Variants in PCCA observed in about 807,000 individuals in gnomAD.
PCCA encodes the protein propionyl-CoA carboxylase subunit alpha.
PCCA carries 74 observed loss-of-function variants against 101.3 expected under a neutral mutation model. The ratio of observed to expected loss-of-function variants is 0.73; its 90% CI spans 0.61 to 0.89. The LOEUF is 0.89. Ranked by LOEUF, PCCA falls within the 40% of genes least tolerant of loss-of-function variation. PCCA has a pLI of 0.00. For missense variants in PCCA, 891 were observed against 907.0 expected (o/e 0.98, Z 0.23); for synonymous variants, 294 against 313.6 (o/e 0.94, Z 0.66).
intron 18 of PCCA, among the ~76,000 whole-genome samples, chr13:100,348,760 CTTTCTTTCTTTCTTTCTTTCTTTCTTT>C (rs1566976001): frequency 2.6e-5 from 2 of 78,238 alleles, no homozygotes; most frequent in African/African-American, 5.2e-5. Flanking sequence ...TTCTTTCTTT[CTTTCTTTCTTTCTTTCTTTCTTTCTTT>C]CTTCCTTCCT....
intron 20 of PCCA, among the ~76,000 whole-genome samples, chr13:100,427,521 C>T (rs555177523): frequency 2.0e-5 from 3 of 151,976 alleles, no homozygotes; most frequent in East Asian, 3.9e-4. Flanking sequence ...AAATATTTTC[C>T]CTAGTGTAGG....
At chr13:100,428,819 G>A (rs895980598) in intron 20 of PCCA, among the ~76,000 whole-genome samples, 4 of 152,232 alleles carry the variant, frequency 2.6e-5, no homozygotes, top group Non-Finnish European at 5.9e-5. Context: ...GAGCTGAGGA[G>A]TGGTGTGCCC....
chr13:100,409,153 A>G (rs1447613210), intron 19 of PCCA, among the ~76,000 whole-genome samples: 1 of 152,106 alleles, frequency 6.6e-6, no homozygotes, highest in African/African-American at 2.4e-5. Flanking sequence ...GAAAAGGGCT[A>G]TGGAAAGGTC....
chr13:100,272,626 G>A (rs1405714406), intron 11 of PCCA, among the ~76,000 whole-genome samples: 5 of 152,106 alleles, frequency 3.3e-5, no homozygotes, highest in Non-Finnish European at 5.9e-5. Flanking sequence ...AAGGATGCTT[G>A]TTATAGTATG....
intron 12 of PCCA, among the ~76,000 whole-genome samples, chr13:100,294,810 C>T (rs1238628995): frequency 1.3e-5 from 2 of 152,178 alleles, no homozygotes; most frequent in East Asian, 3.8e-4. Context: ...CTGACAATGT[C>T]ATGTCTCTGA....
chr13:100,112,733 T>G (rs1000241648), intron 4 of PCCA, among the ~76,000 whole-genome samples: 5 of 152,020 alleles, frequency 3.3e-5, no homozygotes, highest in Admixed American at 3.3e-4. Context: ...CCTGCCATCA[T>G]GCCTGGCTGA....
chr13:100,424,494 T>C (rs1471403288), intron 19 of PCCA, among the ~76,000 whole-genome samples: 1 of 152,182 alleles, frequency 6.6e-6, no homozygotes, highest in Non-Finnish European at 1.5e-5. Flanking sequence ...CCTCCAGCCA[T>C]GCTGCGCTGT....
intron 17 of PCCA, among the ~76,000 whole-genome samples, chr13:100,337,404 G>A (rs2070660049): frequency 6.6e-6 from 1 of 152,198 alleles, no homozygotes; most frequent in Admixed American, 6.5e-5. Flanking sequence ...GGGAGCTCAA[G>A]GTCAGAGCCA....
In PCCA at chr13:100,368,441, A is replaced by G. The variant is rs9518061; in HGVS notation, c.1644-31A>G. ...TATTGAGAAATAATAATATAAAATT[A>G]TTAACTCTTTTTCTTTTCATTCTAC... On this transcript the variant is annotated intron_variant, in intron 18 of 23. Coordinates refer to ENST00000376285, the MANE Select transcript of PCCA (RefSeq NM_000282.4). 842,406 of 1,162,430 alleles carry G rather than the reference A, an allele frequency of 0.72. 311,114 individuals carry two copies. Among genetic ancestry groups the G allele is most frequent in the Non-Finnish European group, 0.78 (604,790 of 774,070 alleles). The allele number at this position is 1,162,430 out of a possible 1,614,324, so 72.0% of individuals were successfully genotyped here.
At chr13:100,259,456 T>C (rs753305677) in intron 9 of PCCA, among the ~76,000 whole-genome samples, 5 of 147,842 alleles carry the variant, frequency 3.4e-5, no homozygotes, top group Non-Finnish European at 7.4e-5. Context: ...TGCCTCAGCC[T>C]CCCGAGTAGC....
intron 17 of PCCA, among the ~76,000 whole-genome samples, chr13:100,336,500 G>A (rs2070472230): frequency 6.6e-6 from 1 of 152,158 alleles, no homozygotes. Flanking sequence ...GTAATTAGTG[G>A]CTTAATGAAC....
At chr13:100,195,218 A>C in intron 6 of PCCA, among the ~76,000 whole-genome samples, 1 of 152,216 alleles carries the variant, frequency 6.6e-6, no homozygotes, top group Non-Finnish European at 1.5e-5. Flanking sequence ...GACCTTAGCA[A>C]TGTATACCAA....
chr13:100,339,949 A>G (rs2071049634), intron 17 of PCCA, among the ~76,000 whole-genome samples: 1 of 152,158 alleles, frequency 6.6e-6, no homozygotes. Flanking sequence ...CTTTCCCAAT[A>G]TAAACTTCCC....
At chr13:100,410,546 G>C (rs1220443720) in intron 19 of PCCA, among the ~76,000 whole-genome samples, 4 of 152,148 alleles carry the variant, frequency 2.6e-5, no homozygotes, top group African/African-American at 9.7e-5. Context: ...CAGCCTGCCA[G>C]GAAAATTGTA....
At chr13:100,279,371 G>A (rs771331913) in intron 12 of PCCA, among the ~76,000 whole-genome samples, 1 of 152,100 alleles carries the variant, frequency 6.6e-6, no homozygotes, top group Non-Finnish European at 1.5e-5. Flanking sequence ...TTGATGTGGA[G>A]GATATAATTA....
At chr13:100,117,489 T>C (rs112285585) in intron 4 of PCCA, among the ~76,000 whole-genome samples, 5,306 of 151,858 alleles carry the variant, frequency 0.035, 314 homozygotes, top group African/African-American at 0.12. Context: ...TGGATGAAGC[T>C]GGAAACCATC....
chr13:100,387,558 C>G (rs933914424), intron 19 of PCCA, among the ~76,000 whole-genome samples: 3 of 152,164 alleles, frequency 2.0e-5, no homozygotes, highest in Non-Finnish European at 4.4e-5. Context: ...GACTCCTTAT[C>G]CCAAGCTAAA....
At chr13:100,428,360 CA>C (rs2079318521) in intron 20 of PCCA, among the ~76,000 whole-genome samples, 1 of 145,766 alleles carries the variant, frequency 6.9e-6, no homozygotes, top group Non-Finnish European at 1.5e-5. Flanking sequence ...CCACCCCCCC[CA>C]CACCCTCAGC....
At chr13:100,518,110 A>C (rs1029165751) in intron 22 of PCCA, among the ~76,000 whole-genome samples, 1 of 152,202 alleles carries the variant, frequency 6.6e-6, no homozygotes, top group African/African-American at 2.4e-5. Context: ...TTTCAAGGAA[A>C]ATAAGGACCC....
Sources: gnomAD v4.1 joint callset for allele counts (sites outside exome capture counted in the v4.1 genomes callset) on GRCh38, gnomAD v4.1.1 for gene constraint, MANE v1.5 for transcripts, NCBI Gene and HGNC (gene_info 2026-07-23, HGNC 2026-07-21) for gene names.